The following DAB2IP variants were observed in gnomAD, a reference collection of about 807,000 sequenced individuals.
DAB2IP encodes DAB2 interacting protein.
DAB2IP carries 28 observed loss-of-function variants against 107.2 expected under a neutral mutation model. That is an observed-to-expected ratio of 0.26 (90% CI 0.19 to 0.36). The LOEUF is 0.36. Among genes scored for constraint, DAB2IP ranks in the 10% least tolerant of loss-of-function variants. The pLI, the probability that DAB2IP is intolerant of heterozygous loss-of-function variation, is 1.00. For synonymous variants in DAB2IP, 755 were observed against 706.4 expected (o/e 1.07, Z -1.09); for missense variants, 1,400 against 1,644.7 (o/e 0.85, Z 2.57).
chr9:121,725,144 A>G (rs1362125634), intron 3 of DAB2IP, among the ~76,000 whole-genome samples: 2 of 152,216 alleles, frequency 1.3e-5, no homozygotes, highest in East Asian at 3.9e-4. Flanking sequence ...GGAGAAACAC[A>G]TGGTGAGTGA....
chr9:121,726,276 A>G (rs1831233036), intron 3 of DAB2IP, among the ~76,000 whole-genome samples: 1 of 152,240 alleles, frequency 6.6e-6, no homozygotes, highest in African/African-American at 2.4e-5. Flanking sequence ...GGGAGCTTTC[A>G]GATAGCTGAA....
exon 11 of DAB2IP, chr9:121,770,569 C>T (rs746659557): frequency 6.2e-7 from 1 of 1,614,070 alleles, no homozygotes; most frequent in Non-Finnish European, 8.5e-7. Context: ...AACTGGGACC[C>T]CTGCCTCGGA....
chr9:121,746,786 T>C (rs895138773), intron 3 of DAB2IP, among the ~76,000 whole-genome samples: 2 of 152,222 alleles, frequency 1.3e-5, no homozygotes, highest in South Asian at 4.1e-4. Flanking sequence ...TTTATTCTTT[T>C]GTTTCATTAT....
chr9:121,723,856 G>A (rs1262991403), intron 3 of DAB2IP, among the ~76,000 whole-genome samples: 1 of 152,120 alleles, frequency 6.6e-6, no homozygotes, highest in Non-Finnish European at 1.5e-5. Context: ...AAGGCACCTT[G>A]GCCCTGCCCA....
chr9:121,579,915 C>T (rs1207846259), intron 1 of DAB2IP, among the ~76,000 whole-genome samples: 2 of 152,194 alleles, frequency 1.3e-5, no homozygotes, highest in East Asian at 3.8e-4. Context: ...CTCACCTTGC[C>T]CACTGCACCT....
chr9:121,650,292 C>G (rs1007618732), upstream of DAB2IP, among the ~76,000 whole-genome samples: 2 of 152,300 alleles, frequency 1.3e-5, no homozygotes, highest in Admixed American at 6.5e-5. Flanking sequence ...TGCCCCTCCC[C>G]CCTGGTCAGG....
chr9:121,742,654 C>T (rs1046597800), intron 3 of DAB2IP: 3 of 850,160 alleles, frequency 3.5e-6, no homozygotes, highest in Non-Finnish European at 4.2e-6. Context: ...GGAAGGGCCT[C>T]GGCCAGCTTG....
At chr9:121,779,349 A>T (rs186740119) in intron 14 of DAB2IP, among the ~76,000 whole-genome samples, 2 of 152,264 alleles carry the variant, frequency 1.3e-5, no homozygotes, top group East Asian at 3.9e-4. Flanking sequence ...ATCATCTGTG[A>T]CATCTGAGTC....
chr9:121,605,954 G>A (rs1830856677), intron 1 of DAB2IP, among the ~76,000 whole-genome samples: 1 of 152,202 alleles, frequency 6.6e-6, no homozygotes, highest in African/African-American at 2.4e-5. Context: ...ACAGTTATTT[G>A]TGGCCAGAAA....
At position 121,693,543 on chromosome 9, in the gene DAB2IP, GCT is replaced by G. The variant is rs755737873; in HGVS notation, c.229-5775_229-5774del. On this transcript the variant is annotated intron_variant, in intron 2 of 15. Transcript: ENST00000408936. ...GTCAAAACAGTCTCCCTTCTCCAAG[GCT>G]CTCTCTTTGGGGATGGGCCTTAGAA... 2.6e-5 allele frequency among the ~76,000 whole-genome samples: 4 copies of G among 152,368 alleles called. No individual in the cohort carries two copies. In the East Asian group the frequency reaches 7.7e-4, roughly 29 times the overall value.
At chr9:121,679,395 C>A (rs1251494212) in intron 2 of DAB2IP, among the ~76,000 whole-genome samples, 2 of 140,678 alleles carry the variant, frequency 1.4e-5, no homozygotes, top group African/African-American at 5.8e-5. Flanking sequence ...TGTTCATACC[C>A]TTCTGCATTT....
chr9:121,618,359 C>T (rs1252474885), intron 1 of DAB2IP, among the ~76,000 whole-genome samples: 2 of 151,168 alleles, frequency 1.3e-5, no homozygotes, highest in Admixed American at 1.3e-4. Context: ...ATGGTAAATT[C>T]AATGGATTTT....
At chr9:121,764,583 C>T (rs1227118535) in intron 8 of DAB2IP, among the ~76,000 whole-genome samples, 3 of 152,118 alleles carry the variant, frequency 2.0e-5, no homozygotes, top group South Asian at 2.1e-4. Context: ...CAGGACTGTG[C>T]GGGAGGGCCT....
At chr9:121,690,638 C>G (rs946326860) in intron 2 of DAB2IP, among the ~76,000 whole-genome samples, 1 of 152,198 alleles carries the variant, frequency 6.6e-6, no homozygotes, top group East Asian at 1.9e-4. Flanking sequence ...CTGATGCCCG[C>G]CTAATCCTGG....
At chr9:121,727,135 G>A (rs1831276260) in intron 3 of DAB2IP, among the ~76,000 whole-genome samples, 1 of 152,212 alleles carries the variant, frequency 6.6e-6, no homozygotes, top group Non-Finnish European at 1.5e-5. Context: ...GATACCTTGT[G>A]TCCTGCTCTT....
rs114500751 is a variant in DAB2IP, at chr9:121,733,525, C to A, written c.363-23488C>A. Among the ~76,000 whole-genome samples, 809 of 152,316 alleles carry A rather than the reference C, an allele frequency of 5.3e-3. 7 individuals are homozygous for A. The highest frequency in any genetic ancestry group is 0.019 in the African/African-American group (770 of 41,576). ...AGCATCCTGAGCTCTGGGGAGAAGA[C>A]GGCCTGCAGTGTGTGTTTCTCCATC... On this transcript the variant is annotated intron_variant, in intron 3 of 15. Transcript: ENST00000408936.
chr9:121,755,409 C>G (rs551660954), intron 3 of DAB2IP, among the ~76,000 whole-genome samples: 71 of 152,352 alleles, frequency 4.7e-4, no homozygotes, highest in Admixed American at 7.8e-4. Context: ...AGGGTTCCCC[C>G]CTGTCTTGAA....
chr9:121,686,949 A>C (rs1828912266), intron 2 of DAB2IP, among the ~76,000 whole-genome samples: 1 of 152,052 alleles, frequency 6.6e-6, no homozygotes, highest in South Asian at 2.1e-4. Flanking sequence ...GAAGGTGGAG[A>C]GGGGCTGGAG....
At chr9:121,579,409 G>T (rs1830140732) in intron 1 of DAB2IP, among the ~76,000 whole-genome samples, 1 of 151,870 alleles carries the variant, frequency 6.6e-6, no homozygotes, top group South Asian at 2.1e-4. Flanking sequence ...TTTCCTGTAG[G>T]CTCCCAGCTA....
Sources: gnomAD v4.1 joint callset for allele counts (sites outside exome capture counted in the v4.1 genomes callset) on GRCh38, gnomAD v4.1.1 for gene constraint, MANE v1.5 for transcripts, NCBI Gene and HGNC (gene_info 2026-07-23, HGNC 2026-07-21) for gene names.